Variants in CLIC5 observed in about 807,000 individuals in gnomAD.
CLIC5 encodes CLIC family member 5.
A neutral mutation model predicts 24.7 loss-of-function variants in CLIC5; 20 were observed. The ratio of observed to expected loss-of-function variants is 0.81; its 90% CI spans 0.57 to 1.18. The LOEUF (loss-of-function observed/expected upper bound fraction) is 1.18, where lower values mean the gene tolerates loss of function less well. Ranked by LOEUF, CLIC5 falls within the 50% of genes most tolerant of loss-of-function variation. The pLI is 0.00. For missense variants in CLIC5, 341 were observed against 326.1 expected, an observed-to-expected ratio of 1.05 and a Z score of -0.35; for synonymous variants, 159 against 135.6, an observed-to-expected ratio of 1.17 and a Z score of -1.20.
intron 1 of CLIC5, among the ~76,000 whole-genome samples, chr6:46,006,836 C>A (rs796543111): frequency 1.3e-5 from 2 of 151,932 alleles, no homozygotes; most frequent in Admixed American, 6.6e-5. Flanking sequence ...CCACCACACC[C>A]GGCTAATTTT....
intron 1 of CLIC5, among the ~76,000 whole-genome samples, chr6:45,970,965 A>G (rs1274444619): frequency 6.6e-6 from 1 of 152,186 alleles, no homozygotes; most frequent in Non-Finnish European, 1.5e-5. Flanking sequence ...TAAATTCTCC[A>G]CTTTATGTCT....
At chr6:45,913,211 A>G (rs934866132) in intron 5 of CLIC5, among the ~76,000 whole-genome samples, 1 of 152,182 alleles carries the variant, frequency 6.6e-6, no homozygotes, top group African/African-American at 2.4e-5. Context: ...TCCTTTCCTC[A>G]CAGAGTTTGC....
chr6:46,082,084 C>T (rs1392297559), upstream of CLIC5, among the ~76,000 whole-genome samples: 5 of 152,136 alleles, frequency 3.3e-5, no homozygotes, highest in Admixed American at 6.5e-5. Flanking sequence ...TGGGGGGTGA[C>T]ACTACTCCTT....
intron 1 of CLIC5, among the ~76,000 whole-genome samples, chr6:46,032,752 G>C (rs1370291568): frequency 6.6e-6 from 1 of 152,126 alleles, no homozygotes; most frequent in African/African-American, 2.4e-5. Flanking sequence ...GTCTGCCAAA[G>C]CCGAGAGGAA....
At chr6:46,017,348 G>A (rs1767048428), upstream of CLIC5, among the ~76,000 whole-genome samples, 1 of 152,074 alleles carries the variant, frequency 6.6e-6, no homozygotes, top group Admixed American at 6.5e-5. Context: ...CTTATTATGT[G>A]CTAGGCAAAA....
At chr6:45,921,819 A>G (rs1342486575) in intron 4 of CLIC5, among the ~76,000 whole-genome samples, 2 of 152,146 alleles carry the variant, frequency 1.3e-5, no homozygotes, top group African/African-American at 4.8e-5. Context: ...TGGGTGTGTC[A>G]CATTTTCTTA....
intron 4 of CLIC5, among the ~76,000 whole-genome samples, chr6:45,916,236 C>G (rs1763027662): frequency 6.6e-6 from 1 of 152,350 alleles, no homozygotes. Context: ...ATTTGAACTA[C>G]TTCATCATCT....
rs553820774 is a variant in CLIC5, at chr6:45,916,152, C to T, written c.407-1743G>A. On this transcript the variant is annotated intron_variant, in intron 4 of 5. Transcript: ENST00000339561. ...ACCAGCCCAAGATAAATCAATTGAA[C>T]ACTTACTGGAATGTTTGAAAACTGC... is the stretch of plus-strand genomic sequence containing the variant. Among the ~76,000 whole-genome samples the T allele has an allele frequency of 2.0e-5, 3 of 152,306 alleles. No individual in the cohort carries two copies. In the South Asian group the frequency reaches 6.2e-4, roughly 32 times the overall value.
intron 2 of CLIC5, among the ~76,000 whole-genome samples, chr6:45,952,345 C>T (rs560495041): frequency 2.0e-5 from 3 of 152,312 alleles, no homozygotes; most frequent in African/African-American, 4.8e-5. Context: ...TAATGAGGAT[C>T]GGTCTTCTTT....
chr6:46,102,581 G>A, the CLIC5 span: 4 of 152,516 alleles, frequency 2.6e-5, no homozygotes, highest in African/African-American at 9.7e-5. Context: ...TATTTCTGAT[G>A]CCTTCATTTG....
chr6:45,925,474 G>A (rs574775562), intron 4 of CLIC5, among the ~76,000 whole-genome samples: 16 of 152,088 alleles, frequency 1.1e-4, no homozygotes, highest in African/African-American at 3.4e-4. Flanking sequence ...GTGCCACCAC[G>A]CCTGGCTAAT....
At chr6:45,895,084 T>C (rs1328491598), downstream of CLIC5, among the ~76,000 whole-genome samples, 1 of 152,242 alleles carries the variant, frequency 6.6e-6, no homozygotes, top group African/African-American at 2.4e-5. Flanking sequence ...AATTATTTAC[T>C]AATTAAAGGT....
At chr6:46,127,875 T>C in the CLIC5 span, among the ~76,000 whole-genome samples, 2 of 152,142 alleles carry the variant, frequency 1.3e-5, no homozygotes, top group East Asian at 3.8e-4. Context: ...TATCACCCAG[T>C]GGAAGTGAAA....
In CLIC5 at chr6:45,957,977, G is replaced by A. The variant is rs556683422; in HGVS notation, c.64-2733C>T. 2.0e-4 allele frequency among the ~76,000 whole-genome samples: 30 copies of A among 152,100 alleles called. No homozygotes were observed. In the South Asian group the frequency reaches 2.9e-3, roughly 15 times the overall value. On this transcript the variant is annotated intron_variant, in intron 1 of 5. Coordinates refer to ENST00000339561, the MANE Select transcript of CLIC5 (RefSeq NM_016929.5). ...TTTTGAGCACTGGGGGCCAGGGACC[G>A]GCACAAAAACAGTGTCCTAGGTTGA...
the CLIC5 span, among the ~76,000 whole-genome samples, chr6:46,101,918 A>G: frequency 4.4e-3 from 673 of 152,166 alleles, 4 homozygotes; most frequent in African/African-American, 0.016. Flanking sequence ...CCTGGGGGAA[A>G]AAATATTTTA....
intron 2 of CLIC5, among the ~76,000 whole-genome samples, chr6:45,950,564 C>G (rs115384545): frequency 6.6e-6 from 1 of 152,054 alleles, no homozygotes; most frequent in African/African-American, 2.4e-5. Context: ...GAGTGAGACT[C>G]GGTCTCAAAA....
At chr6:45,938,367 C>T (rs1264692820) in intron 4 of CLIC5, among the ~76,000 whole-genome samples, 1 of 152,096 alleles carries the variant, frequency 6.6e-6, no homozygotes, top group Non-Finnish European at 1.5e-5. Flanking sequence ...ATTTTGGACC[C>T]AGTTGACCAC....
intron 1 of CLIC5, among the ~76,000 whole-genome samples, chr6:45,986,997 G>A (rs1398760036): frequency 1.3e-5 from 2 of 152,174 alleles, no homozygotes; most frequent in Non-Finnish European, 2.9e-5. Flanking sequence ...GTGGCAGTGT[G>A]TCTCACTTGA....
intron 1 of CLIC5, among the ~76,000 whole-genome samples, chr6:45,992,482 A>C (rs757846007): frequency 6.6e-6 from 1 of 152,220 alleles, no homozygotes; most frequent in Non-Finnish European, 1.5e-5. Context: ...GAGATTCTTT[A>C]TTGAAGAGAA....
Sources: gnomAD v4.1 joint callset for allele counts (sites outside exome capture counted in the v4.1 genomes callset) on GRCh38, gnomAD v4.1.1 for gene constraint, MANE v1.5 for transcripts, NCBI Gene and HGNC (gene_info 2026-07-23, HGNC 2026-07-21) for gene names.